The following RPS6KC1 variants were observed in gnomAD, a reference collection of about 807,000 sequenced individuals.
RPS6KC1 encodes inactive ribosomal protein S6 kinase delta-1.
RPS6KC1 carries 54 observed loss-of-function variants against 103.8 expected under a neutral mutation model. That is an observed-to-expected ratio of 0.52 (90% CI 0.42 to 0.65). The LOEUF (loss-of-function observed/expected upper bound fraction) is 0.65, where lower values mean the gene tolerates loss of function less well. Ranked by LOEUF, RPS6KC1 falls within the 30% of genes least tolerant of loss-of-function variation. The pLI is 0.00. For missense variants in RPS6KC1, 1,151 were observed against 1,253.8 expected (o/e 0.92, Z 1.24); for synonymous variants, 439 against 438.7 (o/e 1.00, Z -0.01).
the RPS6KC1 span, among the ~76,000 whole-genome samples, chr1:213,697,692 C>G: frequency 1.3e-5 from 2 of 152,142 alleles, no homozygotes; most frequent in African/African-American, 4.8e-5. Flanking sequence ...ACACTTTGGT[C>G]CTGTTGCCAG....
chr1:213,480,506 T>C, the RPS6KC1 span, among the ~76,000 whole-genome samples: 2 of 152,128 alleles, frequency 1.3e-5, no homozygotes, highest in East Asian at 3.8e-4. Context: ...TCAGTTCTAA[T>C]AGTTTATCTG....
chr1:213,360,659 C>A, the RPS6KC1 span, among the ~76,000 whole-genome samples: 1 of 152,146 alleles, frequency 6.6e-6, no homozygotes, highest in Non-Finnish European at 1.5e-5. Context: ...TCAGTTTTTT[C>A]TGTTCTGTTT....
intron 1 of RPS6KC1, among the ~76,000 whole-genome samples, chr1:213,057,587 C>T (rs2077437626): frequency 1.3e-5 from 2 of 151,696 alleles, no homozygotes; most frequent in Non-Finnish European, 2.9e-5. Context: ...AGTATTTAGC[C>T]TTTTAGACTG....
intron 6 of RPS6KC1, among the ~76,000 whole-genome samples, chr1:213,161,715 A>G (rs2090489798): frequency 6.6e-6 from 1 of 152,220 alleles, no homozygotes; most frequent in African/African-American, 2.4e-5. Flanking sequence ...ATTCTGATGT[A>G]TTAATACACT....
the RPS6KC1 span, among the ~76,000 whole-genome samples, chr1:213,390,260 G>A: frequency 1.1e-4 from 16 of 152,170 alleles, no homozygotes; most frequent in African/African-American, 3.4e-4. Flanking sequence ...GTTGGATGGC[G>A]AGGGTTTTTT....
At chr1:213,608,769 T>C in the RPS6KC1 span, among the ~76,000 whole-genome samples, 1 of 152,242 alleles carries the variant, frequency 6.6e-6, no homozygotes, top group Non-Finnish European at 1.5e-5. Context: ...AGTCATACTA[T>C]ATTATTTTGT....
the RPS6KC1 span, among the ~76,000 whole-genome samples, chr1:213,558,494 A>G: frequency 6.6e-6 from 1 of 152,202 alleles, no homozygotes; most frequent in Non-Finnish European, 1.5e-5. Context: ...AGCACAAAGC[A>G]ACACTGTAGC....
the RPS6KC1 span, among the ~76,000 whole-genome samples, chr1:213,852,684 G>A: frequency 6.6e-6 from 1 of 152,158 alleles, no homozygotes; most frequent in South Asian, 2.1e-4. Context: ...TTAGGAACAC[G>A]AAGATTCATG....
chr1:213,857,315 T>C, the RPS6KC1 span, among the ~76,000 whole-genome samples: 1 of 152,210 alleles, frequency 6.6e-6, no homozygotes, highest in Admixed American at 6.5e-5. Flanking sequence ...CATGAAAAAC[T>C]AGTAGATAAT....
At chr1:213,798,869 C>A in the RPS6KC1 span, among the ~76,000 whole-genome samples, 1 of 152,168 alleles carries the variant, frequency 6.6e-6, no homozygotes, top group Non-Finnish European at 1.5e-5. Flanking sequence ...AAAGCCATTT[C>A]TATTCACCCT....
chr1:213,226,215 T>A (rs2093958482), intron 8 of RPS6KC1, among the ~76,000 whole-genome samples: 1 of 122,094 alleles, frequency 8.2e-6, no homozygotes, highest in Non-Finnish European at 1.9e-5. Context: ...AAAGCAAGAC[T>A]CTGTCTCAAA....
the RPS6KC1 span, among the ~76,000 whole-genome samples, chr1:213,290,021 A>G: frequency 6.6e-5 from 10 of 152,064 alleles, no homozygotes; most frequent in Admixed American, 2.6e-4. Context: ...CCTGGGAGAC[A>G]GAGCAAGACT....
intron 12 of RPS6KC1, among the ~76,000 whole-genome samples, chr1:213,254,205 G>A (rs930881125): frequency 2.0e-5 from 3 of 152,170 alleles, no homozygotes; most frequent in Non-Finnish European, 2.9e-5. Flanking sequence ...AGTCTATATT[G>A]TAGTTAGAAT....
At chr1:213,501,611 C>T in the RPS6KC1 span, among the ~76,000 whole-genome samples, 3 of 151,620 alleles carry the variant, frequency 2.0e-5, no homozygotes, top group African/African-American at 7.3e-5. Flanking sequence ...GGTGAGCACA[C>T]GTAATCCCAG....
chr1:213,230,800 A>C (rs2148860409), intron 9 of RPS6KC1, among the ~76,000 whole-genome samples: 1 of 145,406 alleles, frequency 6.9e-6, no homozygotes, highest in South Asian at 2.2e-4. Context: ...GCACCATTGC[A>C]CTCCAGCCTG....
the RPS6KC1 span, among the ~76,000 whole-genome samples, chr1:213,569,256 C>G: frequency 6.6e-6 from 1 of 152,100 alleles, no homozygotes; most frequent in Non-Finnish European, 1.5e-5. Flanking sequence ...CTTAGCTCTC[C>G]CTTAGGTCTG....
At chr1:213,246,913 A>G (rs1336191988) in intron 12 of RPS6KC1, among the ~76,000 whole-genome samples, 1 of 152,074 alleles carries the variant, frequency 6.6e-6, no homozygotes, top group African/African-American at 2.4e-5. Flanking sequence ...CAAGAAAATG[A>G]TATTTGAAAG....
chr1:213,747,489 A>C, the RPS6KC1 span, among the ~76,000 whole-genome samples: 3 of 152,214 alleles, frequency 2.0e-5, no homozygotes, highest in Non-Finnish European at 2.9e-5. Context: ...ATCAACCAGC[A>C]GAAGAAATAG....
At chr1:213,108,769 C>T (rs943587994) in intron 4 of RPS6KC1, among the ~76,000 whole-genome samples, 3 of 151,840 alleles carry the variant, frequency 2.0e-5, no homozygotes, top group African/African-American at 7.3e-5. Flanking sequence ...GATCCTCCCA[C>T]CTCAGCCTCC....
Sources: gnomAD v4.1 joint callset for allele counts (sites outside exome capture counted in the v4.1 genomes callset) on GRCh38, gnomAD v4.1.1 for gene constraint, MANE v1.5 for transcripts, NCBI Gene and HGNC (gene_info 2026-07-23, HGNC 2026-07-21) for gene names.